Variants in SH3D19 observed in about 807,000 individuals in gnomAD.
SH3D19 encodes the protein SH3 domain-containing protein 19.
In SH3D19, 58 loss-of-function variants were observed where a neutral mutation model predicts 112.1. The observed-to-expected ratio is 0.52, with a 90% confidence interval of 0.42 to 0.64. The LOEUF is 0.64. Among genes scored for constraint, SH3D19 ranks in the 30% least tolerant of loss-of-function variants. The probability of loss-of-function intolerance (pLI) is 0.00; values close to 1 mark genes in which losing one functional copy is unlikely to be tolerated. For missense variants in SH3D19, 1,090 were observed against 1,263.4 expected, an observed-to-expected ratio of 0.86 and a Z score of 2.08; for synonymous variants, 391 against 448.5, an observed-to-expected ratio of 0.87 and a Z score of 1.62.
chr4:151,325,430 C>T lies in SH3D19; in HGVS notation c.-78G>A, dbSNP rs1730955228. ...GCCCCAGAACGCCTGCACCCGGCGC[C>T]CCACGCCACCGCCCTCGGGCCGGGG... On this transcript the variant is annotated 5_prime_UTR_variant, in exon 1 of 20. Coordinates refer to ENST00000604030, the MANE Select transcript of SH3D19 (RefSeq NM_001378122.1). The T allele has an allele frequency of 2.9e-6, 2 of 692,608 alleles. No homozygotes were observed. Among genetic ancestry groups the T allele is most frequent in the Non-Finnish European group, 3.9e-6 (2 of 511,454 alleles). 42.9% of individuals were successfully genotyped at this position (692,608 alleles called of 1,614,324 possible). A position where few individuals can be genotyped will look rare whatever the true frequency, so the allele number is the denominator to read the frequency against.
rs34575245 is a variant in SH3D19, at chr4:151,216,877, CTGTGTGTGTGTGTGTGTGTGTGTGTGTG to C, written c.152+9142_152+9169del. 3.5e-5 allele frequency among the ~76,000 whole-genome samples: 5 copies of C among 140,874 alleles called. 1 individual carries two copies. In the East Asian group the frequency reaches 1.0e-3, roughly 29 times the overall value. 92.4% of individuals were successfully genotyped at this position (140,874 alleles called of 152,430 possible). On this transcript the variant is annotated intron_variant, in intron 2 of 19. Transcript: ENST00000604030. ...TTCTGAAAACCACAACAAAACAACA[CTGTGTGTGTGTGTGTGTGTGTGTGTGTG>C]TGTGTGTGTGTGTGTGTGTGTATTC...
intron 16 of SH3D19, 133 bp from the exon 17 acceptor site, chr4:151,132,516 T>C: frequency 1.4e-6 from 1 of 708,822 alleles, no homozygotes; most frequent in South Asian, 1.8e-5. Flanking sequence ...TCTTCATGTA[T>C]TGTCTATGTT....
At chr4:151,313,527 C>T (rs1185940061) in intron 1 of SH3D19, among the ~76,000 whole-genome samples, 3 of 152,120 alleles carry the variant, frequency 2.0e-5, no homozygotes, top group African/African-American at 7.2e-5. Flanking sequence ...AGCGATCCTC[C>T]TCCCTCACTC....
intron 8 of SH3D19, among the ~76,000 whole-genome samples, chr4:151,165,167 C>T (rs1262596126): frequency 2.6e-5 from 4 of 152,140 alleles, no homozygotes; most frequent in Non-Finnish European, 5.9e-5. Flanking sequence ...TGTGGTGAAA[C>T]CCCATCTCTA....
At chr4:151,238,784 A>G (rs1219084923) in intron 1 of SH3D19, among the ~76,000 whole-genome samples, 2 of 152,100 alleles carry the variant, frequency 1.3e-5, no homozygotes, top group Admixed American at 6.6e-5. Flanking sequence ...TTTTCTTCCA[A>G]TCAAGAAGAG....
intron 1 of SH3D19, chr4:151,291,548 G>A: frequency 1.2e-6 from 1 of 811,400 alleles, no homozygotes; most frequent in Non-Finnish European, 1.9e-6. Flanking sequence ...TTTTGGGGTT[G>A]GAATGTGAAG....
chr4:151,250,805 AAC>A (rs1771318342), intron 1 of SH3D19, among the ~76,000 whole-genome samples: 1 of 152,208 alleles, frequency 6.6e-6, no homozygotes, highest in South Asian at 2.1e-4. Context: ...CACAATTCCT[AAC>A]ACAAAGTCTC....
At chr4:151,188,215 C>G (rs1005249294) in intron 2 of SH3D19, among the ~76,000 whole-genome samples, 1 of 152,132 alleles carries the variant, frequency 6.6e-6, no homozygotes, top group Non-Finnish European at 1.5e-5. Context: ...TAAGACAATA[C>G]TATTGTGTTA....
intron 1 of SH3D19, among the ~76,000 whole-genome samples, chr4:151,311,802 T>C (rs1216926638): frequency 1.3e-5 from 2 of 152,080 alleles, no homozygotes; most frequent in East Asian, 1.9e-4. Context: ...ATTGCACCAC[T>C]GCATTATGGC....
chr4:151,226,524 A>C, intron 1 of SH3D19: 1 of 957,796 alleles, frequency 1.0e-6, no homozygotes, highest in Non-Finnish European at 1.2e-6. Flanking sequence ...CAGCTACAAC[A>C]TCTGCAAATA....
chr4:151,188,989 A>C (rs927572237), intron 2 of SH3D19, among the ~76,000 whole-genome samples: 4 of 152,182 alleles, frequency 2.6e-5, no homozygotes, highest in African/African-American at 9.7e-5. Flanking sequence ...CAACCTCCAT[A>C]AGCTAATAGG....
At chr4:151,169,198 ACTCT>A (rs1185317691) in intron 7 of SH3D19, among the ~76,000 whole-genome samples, 7 of 151,940 alleles carry the variant, frequency 4.6e-5, no homozygotes, top group African/African-American at 1.7e-4. Flanking sequence ...TAGCTTACTC[ACTCT>A]CTCATTTTTT....
intron 1 of SH3D19, among the ~76,000 whole-genome samples, chr4:151,304,028 G>C (rs1213575098): frequency 6.6e-6 from 1 of 151,344 alleles, no homozygotes; most frequent in Non-Finnish European, 1.5e-5. Flanking sequence ...CTGTTGCCCA[G>C]GCTGGATTCA....
chr4:151,207,566 G>T (rs984291442), intron 2 of SH3D19, among the ~76,000 whole-genome samples: 1 of 152,174 alleles, frequency 6.6e-6, no homozygotes, highest in Non-Finnish European at 1.5e-5. Flanking sequence ...TCTTCAGGTA[G>T]CCAAAGGTAA....
intron 8 of SH3D19, among the ~76,000 whole-genome samples, 187 bp downstream of exon 8, chr4:151,165,402 G>A (rs1028463127): frequency 1.3e-5 from 2 of 152,088 alleles, no homozygotes; most frequent in Non-Finnish European, 2.9e-5. Flanking sequence ...GGGAAGCGAA[G>A]GGGAAAGGGA....
At chr4:151,283,943 G>C (rs1242176420) in intron 1 of SH3D19, among the ~76,000 whole-genome samples, 1 of 152,098 alleles carries the variant, frequency 6.6e-6, no homozygotes. Context: ...GCCATTATTT[G>C]CATCGTCATT....
intron 1 of SH3D19, among the ~76,000 whole-genome samples, chr4:151,238,387 C>T (rs909687915): frequency 1.3e-5 from 2 of 152,224 alleles, no homozygotes; most frequent in Admixed American, 6.5e-5. Flanking sequence ...TGCCAAAGGA[C>T]GGATAACATC....
chr4:151,272,584 C>G (rs895665762), intron 1 of SH3D19, among the ~76,000 whole-genome samples: 4 of 152,142 alleles, frequency 2.6e-5, no homozygotes, highest in African/African-American at 9.7e-5. Flanking sequence ...AGAGCAGTCT[C>G]TCTCCCTTTT....
chr4:151,135,022 T>C, intron 15 of SH3D19, 52 bp downstream of exon 15: 2 of 1,423,700 alleles, frequency 1.4e-6, no homozygotes, highest in East Asian at 2.3e-5. Context: ...CTTCATGATA[T>C]AGATGGTTAT....
Sources: allele counts gnomAD v4.1 joint callset (sites outside exome capture counted in the v4.1 genomes callset), GRCh38; gene constraint gnomAD v4.1.1; transcripts MANE v1.5; gene names NCBI Gene and HGNC (gene_info 2026-07-23, HGNC 2026-07-21).